The following DLG2 variants were observed in gnomAD, a reference collection of about 807,000 sequenced individuals.
DLG2 encodes disks large homolog 2.
DLG2 carries 45 observed loss-of-function variants against 132.5 expected under a neutral mutation model. That is an observed-to-expected ratio of 0.34 (90% CI 0.27 to 0.44). The LOEUF (loss-of-function observed/expected upper bound fraction) is 0.44, where lower values mean the gene tolerates loss of function less well. Among genes scored for constraint, DLG2 ranks in the 20% least tolerant of loss-of-function variants. The pLI, the probability that DLG2 is intolerant of heterozygous loss-of-function variation, is 1.00. For synonymous variants in DLG2, 424 were observed against 419.6 expected (o/e 1.01, Z -0.13); for missense variants, 1,045 against 1,196.9 (o/e 0.87, Z 1.87).
chr11:83,827,056 T>G (rs986763741), intron 17 of DLG2, among the ~76,000 whole-genome samples: 1 of 151,942 alleles, frequency 6.6e-6, no homozygotes, highest in Non-Finnish European at 1.5e-5. Context: ...GCAAGGTTCC[T>G]TCATGGGACC....
chr11:85,557,617 C>T (rs2077008382), intron 3 of DLG2, among the ~76,000 whole-genome samples: 3 of 151,744 alleles, frequency 2.0e-5, no homozygotes, highest in Admixed American at 6.6e-5. Context: ...ACATAGGCCA[C>T]TGGAACAGAA....
intron 6 of DLG2, among the ~76,000 whole-genome samples, chr11:84,774,047 A>G (rs531149329): frequency 2.0e-4 from 30 of 152,260 alleles, no homozygotes; most frequent in African/African-American, 6.7e-4. Flanking sequence ...TAAAGATTTC[A>G]ATAAAAGACT....
chr11:84,604,377 G>T (rs1431771647), intron 6 of DLG2, among the ~76,000 whole-genome samples: 1 of 151,808 alleles, frequency 6.6e-6, no homozygotes, highest in Non-Finnish European at 1.5e-5. Context: ...GAGTAGGGTA[G>T]GGAAAGTAAT....
At chr11:83,818,517 A>G (rs2049765613) in intron 17 of DLG2, among the ~76,000 whole-genome samples, 1 of 152,200 alleles carries the variant, frequency 6.6e-6, no homozygotes, top group South Asian at 2.1e-4. Flanking sequence ...TCCCAAGGAC[A>G]TGACACATGG....
intron 9 of DLG2, among the ~76,000 whole-genome samples, chr11:84,114,304 A>G (rs2093520015): frequency 6.6e-6 from 1 of 152,222 alleles, no homozygotes. Flanking sequence ...ATTTTGTTAC[A>G]TAATTCTGAC....
At chr11:83,537,279 C>G (rs994498086) in intron 20 of DLG2, among the ~76,000 whole-genome samples, 1 of 152,132 alleles carries the variant, frequency 6.6e-6, no homozygotes, top group Non-Finnish European at 1.5e-5. Context: ...CTGGCCAAAC[C>G]CATAATTGGG....
intron 6 of DLG2, among the ~76,000 whole-genome samples, chr11:84,638,448 T>A (rs996048230): frequency 6.6e-6 from 1 of 152,186 alleles, no homozygotes; most frequent in Non-Finnish European, 1.5e-5. Flanking sequence ...TAGGTGACAG[T>A]CCCATTTTTG....
chr11:84,605,653 T>C (rs1310958199), intron 6 of DLG2, among the ~76,000 whole-genome samples: 1 of 151,284 alleles, frequency 6.6e-6, no homozygotes, highest in Admixed American at 6.6e-5. Context: ...TAAGGAAAAA[T>C]CTGTAATACC....
intron 7 of DLG2, among the ~76,000 whole-genome samples, chr11:84,491,944 A>C (rs2099166314): frequency 6.6e-6 from 1 of 152,126 alleles, no homozygotes; most frequent in Non-Finnish European, 1.5e-5. Context: ...TATAAAAGGA[A>C]AGTGTGTTAC....
intron 6 of DLG2, among the ~76,000 whole-genome samples, chr11:84,849,198 A>G (rs2154020534): frequency 6.6e-6 from 1 of 152,318 alleles, no homozygotes; most frequent in South Asian, 2.1e-4. Flanking sequence ...ATTAGACTAA[A>G]GAACTACATA....
chr11:85,335,245 T>TC (rs1381536153), intron 3 of DLG2, among the ~76,000 whole-genome samples: 1 of 151,886 alleles, frequency 6.6e-6, no homozygotes, highest in Non-Finnish European at 1.5e-5. Context: ...TCTCTGCTTT[T>TC]TTTTTTTGTT....
intron 5 of DLG2, among the ~76,000 whole-genome samples, chr11:85,117,056 A>C (rs536360469): frequency 5.4e-4 from 82 of 152,152 alleles, no homozygotes; most frequent in Non-Finnish European, 1.0e-3. Flanking sequence ...ATTGGTTCTT[A>C]AGTGAGAAGT....
chr11:83,889,121 T>G (rs1459463990), intron 15 of DLG2, among the ~76,000 whole-genome samples: 1 of 151,938 alleles, frequency 6.6e-6, no homozygotes, highest in South Asian at 2.1e-4. Context: ...CTAATTAAAC[T>G]AAAGAGCTTC....
intron 21 of DLG2, among the ~76,000 whole-genome samples, chr11:83,488,331 T>C (rs770404914): frequency 9.2e-5 from 14 of 152,020 alleles, no homozygotes; most frequent in Non-Finnish European, 1.3e-4. Context: ...AGAACACCCA[T>C]ACTAGGAGTC....
At chr11:84,841,783 T>A (rs546812642) in intron 6 of DLG2, among the ~76,000 whole-genome samples, 1 of 152,114 alleles carries the variant, frequency 6.6e-6, no homozygotes, top group African/African-American at 2.4e-5. Context: ...CACTATAGCA[T>A]AAATACAATT....
At chr11:84,830,937 GTC>G (rs927625461) in intron 6 of DLG2, among the ~76,000 whole-genome samples, 4 of 145,564 alleles carry the variant, frequency 2.7e-5, no homozygotes, top group African/African-American at 5.0e-5. Flanking sequence ...AAAGGAAGCA[GTC>G]TCTCTCTCTC....
chr11:84,756,009 T>C (rs1040575960), intron 6 of DLG2, among the ~76,000 whole-genome samples: 1 of 152,080 alleles, frequency 6.6e-6, no homozygotes, highest in African/African-American at 2.4e-5. Context: ...TGCAAAAAGG[T>C]TATAAAATTC....
intron 5 of DLG2, among the ~76,000 whole-genome samples, chr11:85,117,234 G>C (rs1253334077): frequency 6.6e-6 from 1 of 151,982 alleles, no homozygotes; most frequent in Non-Finnish European, 1.5e-5. Context: ...GGCCCAGAAG[G>C]GGAAACTTCC....
intron 7 of DLG2, among the ~76,000 whole-genome samples, chr11:84,305,244 A>G (rs2098202973): frequency 6.6e-6 from 1 of 152,210 alleles, no homozygotes; most frequent in Non-Finnish European, 1.5e-5. Context: ...TATGCCAGAC[A>G]ATGTAATGAG....
Sources: gnomAD v4.1 joint callset for allele counts (sites outside exome capture counted in the v4.1 genomes callset) on GRCh38, gnomAD v4.1.1 for gene constraint, MANE v1.5 for transcripts, NCBI Gene and HGNC (gene_info 2026-07-23, HGNC 2026-07-21) for gene names.